UBE2E1: variants seen among roughly 807,000 people sequenced by gnomAD.
UBE2E1 encodes the protein ubiquitin conjugating enzyme E2 E1, also known as ubiquitin-conjugating enzyme E2 E1.
In UBE2E1, 6 loss-of-function variants were observed where a neutral mutation model predicts 21.4. The ratio of observed to expected loss-of-function variants is 0.28; its 90% CI spans 0.15 to 0.55. UBE2E1 has a LOEUF of 0.55. Ranked by LOEUF, UBE2E1 falls within the 20% of genes least tolerant of loss-of-function variation. UBE2E1 has a pLI of 0.93. For missense variants in UBE2E1, 142 were observed against 236.5 expected (o/e 0.60, Z 2.62); for synonymous variants, 87 against 82.7 (o/e 1.05, Z -0.28).
At chr3:23,822,360 T>C (rs1699661816) in intron 3 of UBE2E1, among the ~76,000 whole-genome samples, 2 of 152,244 alleles carry the variant, frequency 1.3e-5, no homozygotes, top group Non-Finnish European at 2.9e-5. Flanking sequence ...TCTGGTGTTA[T>C]CTACTTTCTA....
In UBE2E1 at chr3:23,887,972, C is replaced by T. The variant is rs1424063093; in HGVS notation, c.336+273C>T. ...CAACCTAGAATTAATCCCCTGTTTT[C>T]CAGCCCATAGAGAAATGTTTTTGAA... On this transcript the variant is annotated intron_variant, in intron 4 of 5. Coordinates refer to ENST00000306627, the MANE Select transcript of UBE2E1 (RefSeq NM_003341.5). The surrounding 1 kb of genome is among the most constrained non-coding windows in gnomAD (Gnocchi z 4.4). Among the ~76,000 whole-genome samples the T allele has an allele frequency of 6.6e-6, 1 of 152,140 alleles. No homozygotes were observed. Among genetic ancestry groups the T allele is most frequent in the Non-Finnish European group, 1.5e-5 (1 of 68,028 alleles).
At chr3:23,807,172 C>G in intron 1 of UBE2E1, 65 bp from the exon 2 acceptor site, 3 of 1,394,858 alleles carry the variant, frequency 2.2e-6, no homozygotes, top group South Asian at 1.5e-5. Context: ...TGACAGCACC[C>G]GAGTTCCTTA....
At chr3:23,879,652 C>T (rs899278487) in intron 3 of UBE2E1, among the ~76,000 whole-genome samples, 2 of 152,226 alleles carry the variant, frequency 1.3e-5, no homozygotes, top group African/African-American at 2.4e-5. Flanking sequence ...GATACCTGTC[C>T]GTGGGCACCA....
intron 3 of UBE2E1, among the ~76,000 whole-genome samples, chr3:23,822,519 C>T (rs1330365448): frequency 8.6e-5 from 13 of 151,996 alleles, no homozygotes; most frequent in Admixed American, 7.9e-4. Context: ...TTCTACTTTA[C>T]GAGATTCAAG....
chr3:23,848,382 A>G (rs1405648939), intron 3 of UBE2E1, among the ~76,000 whole-genome samples: 1 of 152,104 alleles, frequency 6.6e-6, no homozygotes, highest in African/African-American at 2.4e-5. Flanking sequence ...AGGCAGGAGA[A>G]TCACCTGAAC....
rs1021804740 is a variant in UBE2E1 at position 23,863,861 on chromosome 3, C to T, written c.204-23706C>T. Among the ~76,000 whole-genome samples, 6 of 152,172 alleles carry T rather than the reference C, an allele frequency of 3.9e-5. No homozygotes were observed. Among genetic ancestry groups the T allele is most frequent in the Non-Finnish European group, 7.3e-5 (5 of 68,038 alleles). On this transcript the variant is annotated intron_variant, in intron 3 of 5. Transcript: ENST00000306627. The surrounding 1 kb of genome is among the most constrained non-coding windows in gnomAD (Gnocchi z 4.3). Reference sequence around the variant, plus strand: ...TTATCTTTTTTGAAGAAATCTCTCCCCAGAGCCATCTGACCTCTTCTGGTT... The same window carrying T: ...TTATCTTTTTTGAAGAAATCTCTCCTCAGAGCCATCTGACCTCTTCTGGTT...
At chr3:23,889,467 A>G in intron 5 of UBE2E1, 11 of 1,393,132 alleles carry the variant, frequency 7.9e-6, no homozygotes, top group Non-Finnish European at 1.0e-5. Flanking sequence ...GCAACAAGGT[A>G]TTTTAAACTG....
chr3:23,813,600 T>C (rs1229394402), intron 3 of UBE2E1, among the ~76,000 whole-genome samples: 1 of 152,194 alleles, frequency 6.6e-6, no homozygotes, highest in African/African-American at 2.4e-5. Context: ...TGGAGTGCAG[T>C]GGCATGATTT....
chr3:23,807,089 A>G, intron 1 of UBE2E1, 148 bp from the exon 2 acceptor site: 1 of 588,438 alleles, frequency 1.7e-6, no homozygotes, highest in East Asian at 3.0e-5. Flanking sequence ...CAAAAGCCTT[A>G]ATGGGCCTGC....
chr3:23,847,341 A>AT (rs1700229510), intron 3 of UBE2E1, among the ~76,000 whole-genome samples: 1 of 152,072 alleles, frequency 6.6e-6, no homozygotes, highest in African/African-American at 2.4e-5. Context: ...TGAAAAGAGC[A>AT]TTTTCAAAGA....
rs549905228 is a variant in UBE2E1, at chr3:23,833,581, G to A, written c.203+22071G>A. Among the ~76,000 whole-genome samples, 4 of 152,296 alleles carry A rather than the reference G, an allele frequency of 2.6e-5. No individual in the cohort carries two copies. The South Asian group carries it at 6.2e-4, about 24-fold the overall frequency. On this transcript the variant is annotated intron_variant, in intron 3 of 5. Coordinates refer to ENST00000306627, the MANE Select transcript of UBE2E1 (RefSeq NM_003341.5). The stretch of plus-strand genomic sequence containing the variant: ...ATTAAATGCAGATGAACAAGATGTC[G>A]GAAAGCAATGGTAATGTTAGCAAAG...
intron 3 of UBE2E1, among the ~76,000 whole-genome samples, chr3:23,830,147 A>G (rs1194536183): frequency 6.6e-6 from 1 of 152,114 alleles, no homozygotes; most frequent in Non-Finnish European, 1.5e-5. Flanking sequence ...TCTAATTCTT[A>G]CATGCATGTG....
intron 3 of UBE2E1, among the ~76,000 whole-genome samples, chr3:23,835,401 G>A (rs369059131): frequency 2.0e-5 from 3 of 152,106 alleles, no homozygotes; most frequent in African/African-American, 7.2e-5. Context: ...CCAGGAGGTC[G>A]AGGCTAAGTG....
chr3:23,843,513 T>C (rs1007808556), intron 3 of UBE2E1, among the ~76,000 whole-genome samples: 12 of 152,234 alleles, frequency 7.9e-5, no homozygotes, highest in Non-Finnish European at 1.5e-5. Context: ...CACAATTAAG[T>C]ATTTAGCTTA....
chr3:23,817,861 T>C (rs1306126588), intron 3 of UBE2E1, among the ~76,000 whole-genome samples: 2 of 152,208 alleles, frequency 1.3e-5, no homozygotes, highest in Non-Finnish European at 2.9e-5. Context: ...GCTAAGTCTT[T>C]AAATTTTATT....
chr3:23,810,628 G>T lies in UBE2E1; in HGVS notation c.153-832G>T. The T allele has an allele frequency of 8.6e-7, 1 of 1,159,466 alleles. No individual in the cohort carries two copies. The highest frequency in any genetic ancestry group is 1.2e-6 in the Non-Finnish European group (1 of 852,862). The allele number at this position is 1,159,466 out of a possible 1,614,324, so 71.8% of individuals were successfully genotyped here. ...GGGCCGGCCACTTGGGGTCTGTGGT[G>T]CCCGAGTGGCGGGCGGGGGTGTTCG... On this transcript the variant is annotated intron_variant, in intron 2 of 5. Transcript: ENST00000306627. This position sits in a 1 kb window ranked among gnomAD's most constrained non-coding sequence, Gnocchi z 5.8.
intron 3 of UBE2E1, 52 bp downstream of exon 3, chr3:23,811,562 C>T: frequency 6.4e-7 from 1 of 1,554,078 alleles, no homozygotes; most frequent in South Asian, 1.1e-5. Context: ...TAACCTTTGT[C>T]TTGGGTTTTT....
At position 23,842,455 on chromosome 3, in the gene UBE2E1, C is replaced by T. The variant is rs985625384; in HGVS notation, c.203+30945C>T. 2.0e-5 allele frequency among the ~76,000 whole-genome samples: 3 copies of T among 151,992 alleles called. No individual in the cohort carries two copies. The highest frequency in any genetic ancestry group is 6.6e-5 in the Admixed American group (1 of 15,250). On this transcript the variant is annotated intron_variant, in intron 3 of 5. Coordinates refer to ENST00000306627, the MANE Select transcript of UBE2E1 (RefSeq NM_003341.5). The surrounding 1 kb of genome is among the most constrained non-coding windows in gnomAD (Gnocchi z 4.6). ...GGAGACGGAGTCGTGCCATGTTGCCCGGCCTGTTGTTCGTTTTTCTTTGAA... is the reference window on the plus strand; with the variant it reads ...GGAGACGGAGTCGTGCCATGTTGCCTGGCCTGTTGTTCGTTTTTCTTTGAA...
chr3:23,875,918 G>A (rs990647223), intron 3 of UBE2E1, among the ~76,000 whole-genome samples: 28 of 152,140 alleles, frequency 1.8e-4, no homozygotes, highest in African/African-American at 6.8e-4. Flanking sequence ...GATTACAGGC[G>A]CTCGCCACCA....
Sources: gnomAD v4.1 joint callset for allele counts (sites outside exome capture counted in the v4.1 genomes callset) on GRCh38, gnomAD v4.1.1 for gene constraint, Gnocchi (gnomAD v3.1) non-coding constraint, MANE v1.5 for transcripts, NCBI Gene and HGNC (gene_info 2026-07-23, HGNC 2026-07-21) for gene names.